Variants in ARSH observed in about 807,000 individuals in gnomAD.
The protein encoded by ARSH is arylsulfatase family member H.
Under a neutral mutation model 28.7 loss-of-function variants are expected in ARSH, and 32 were observed. The observed-to-expected ratio is 1.11, with a 90% CI of 0.84 to 1.50. ARSH has a LOEUF of 1.50. Among genes scored for constraint, ARSH ranks in the 40% most tolerant of loss-of-function variants. The pLI is 0.00. For missense variants in ARSH, 440 were observed against 452.4 expected (o/e 0.97, Z 0.25); for synonymous variants, 176 against 177.3 (o/e 0.99, Z 0.06).
In ARSH at chrX:3,015,389, G is replaced by C; in HGVS notation, c.760G>C (p.Glu254Gln). 8.3e-7 allele frequency: 1 copy of C among 1,209,089 alleles called. No individual in the cohort carries two copies. The highest frequency in any genetic ancestry group is 1.1e-6 in the Non-Finnish European group (1 of 894,291). ...LMLKEALAFI[E>Q]RYKREPFLLF... ...GCTGAAGGAGGCACTTGCTTTCATT[G>C]AAAGGTATTTAGCCATTTCTTGCCT... Residue 254 changes from glutamate (E) to glutamine (Q), a missense_variant, in exon 4 of 9, where the codon GAA becomes CAA. Physicochemically the swap from Glu to Gln is conservative, Grantham distance 29. Transcript: ENST00000381130.
chrX:3,015,902 T>C (rs2089864982), intron 4 of ARSH, among the ~76,000 whole-genome samples: 1 of 111,055 alleles, frequency 9.0e-6, no homozygotes, highest in Non-Finnish European at 1.9e-5. Context: ...TAGTTAAATT[T>C]CCTGCAAATT....
chrX:3,023,905 A>T, intron 5 of ARSH, 116 bp from the exon 6 acceptor site: 1 of 750,298 alleles, frequency 1.3e-6, no homozygotes, highest in Non-Finnish European at 1.9e-6. Flanking sequence ...AATATCGTGT[A>T]GTGCAGAATA....
At chrX:3,017,210 T>C (rs749633057) in intron 4 of ARSH, among the ~76,000 whole-genome samples, 9 of 111,495 alleles carry the variant, frequency 8.1e-5, no homozygotes, top group Non-Finnish European at 1.7e-4. Context: ...CCCTTCTTTC[T>C]ATGCTGGTTG....
intron 8 of ARSH, 51 bp downstream of exon 8, chrX:3,029,419 G>A (rs565186168): frequency 1.2e-4 from 142 of 1,173,035 alleles, no homozygotes; most frequent in Non-Finnish European, 1.5e-4. Flanking sequence ...GCCCGGTTCC[G>A]GTCTCCTTCG....
chrX:3,008,161 C>G (rs1387070744), intron 1 of ARSH, among the ~76,000 whole-genome samples: 2 of 112,070 alleles, frequency 1.8e-5, no homozygotes, highest in Non-Finnish European at 3.8e-5. Context: ...CATGCGTCAG[C>G]ACTTCATTCC....
intron 5 of ARSH, among the ~76,000 whole-genome samples, chrX:3,020,988 A>C: frequency 8.9e-6 from 1 of 111,882 alleles, no homozygotes; most frequent in Admixed American, 9.6e-5. Flanking sequence ...GTTTATATGT[A>C]TACACAAGTT....
chrX:3,021,024 C>T (rs1289930732), intron 5 of ARSH, among the ~76,000 whole-genome samples: 1 of 111,225 alleles, frequency 9.0e-6, no homozygotes, highest in Non-Finnish European at 1.9e-5. Flanking sequence ...ACACACATAG[C>T]ACTGTATGTT....
chrX:3,025,731 G>A (rs1315345897), intron 6 of ARSH, among the ~76,000 whole-genome samples: 2 of 110,356 alleles, frequency 1.8e-5, no homozygotes, highest in Non-Finnish European at 3.8e-5. Context: ...TAGAAAAAGT[G>A]AGGAACAGAT....
intron 4 of ARSH, among the ~76,000 whole-genome samples, chrX:3,015,676 T>C (rs1200596205): frequency 9.0e-6 from 1 of 110,680 alleles, no homozygotes. Flanking sequence ...ATGGAAACAA[T>C]AGACTGCAAA....
chrX:3,012,034 G>C (rs1200432004), intron 2 of ARSH, among the ~76,000 whole-genome samples: 1 of 111,019 alleles, frequency 9.0e-6, no homozygotes, highest in African/African-American at 3.3e-5. Context: ...GTAGAGACAG[G>C]GTTTCACCAT....
intron 6 of ARSH, among the ~76,000 whole-genome samples, chrX:3,026,515 C>T (rs1485544096): frequency 9.0e-6 from 1 of 111,517 alleles, no homozygotes; most frequent in Non-Finnish European, 1.9e-5. Context: ...TAGGAAGAGA[C>T]CTTTTCCTCC....
At chrX:3,008,361 T>C (rs1479246850) in intron 1 of ARSH, among the ~76,000 whole-genome samples, 1 of 111,651 alleles carries the variant, frequency 9.0e-6, no homozygotes, top group Non-Finnish European at 1.9e-5. Flanking sequence ...TAAATAACAT[T>C]GTTTCTTCTT....
chrX:3,010,250 A>T, intron 2 of ARSH, 99 bp downstream of exon 2: 1 of 1,023,318 alleles, frequency 9.8e-7, no homozygotes, highest in Admixed American at 2.9e-5. Flanking sequence ...AAGGTCACTC[A>T]GAGTATTAGG....
chrX:3,024,923 C>CA (rs1358355124), intron 6 of ARSH, among the ~76,000 whole-genome samples: 1 of 110,259 alleles, frequency 9.1e-6, no homozygotes, highest in South Asian at 3.8e-4. Context: ...CCAAGTAAAA[C>CA]AAAAAAACTA....
intron 1 of ARSH, among the ~76,000 whole-genome samples, chrX:3,008,461 CTTTCTTTCTTTCT>C (rs2089835754): frequency 1.6e-5 from 1 of 63,330 alleles, no homozygotes; most frequent in African/African-American, 6.3e-5. Flanking sequence ...TTCTTTCTTT[CTTTCTTTCTTTCT>C]TTCTTTCTTT....
chrX:3,009,870 A>G (rs1363868973), intron 1 of ARSH, among the ~76,000 whole-genome samples, 160 bp from the exon 2 acceptor site: 1 of 112,061 alleles, frequency 8.9e-6, no homozygotes, highest in Non-Finnish European at 1.9e-5. Context: ...CTAACCATCA[A>G]TGCATATAAG....
intron 6 of ARSH, among the ~76,000 whole-genome samples, 164 bp downstream of exon 6, chrX:3,024,319 A>G (rs1025864749): frequency 4.6e-5 from 5 of 109,882 alleles, no homozygotes; most frequent in Non-Finnish European, 7.6e-5. Context: ...ATTTTGGGGC[A>G]GTTTCCAAGA....
intron 5 of ARSH, among the ~76,000 whole-genome samples, chrX:3,019,951 G>A (rs5982982): frequency 0.012 from 1,266 of 109,657 alleles, 18 homozygotes; most frequent in African/African-American, 0.04. Context: ...AGGTACCATT[G>A]TAACATTTAC....
chrX:3,026,270 C>A (rs754836152), intron 6 of ARSH, among the ~76,000 whole-genome samples: 1 of 110,177 alleles, frequency 9.1e-6, no homozygotes, highest in African/African-American at 3.3e-5. Flanking sequence ...CCACTGCACT[C>A]CAGTCTGGGT....
Sources: allele counts gnomAD v4.1 joint callset (sites outside exome capture counted in the v4.1 genomes callset), GRCh38; gene constraint gnomAD v4.1.1; transcripts MANE v1.5; gene names NCBI Gene and HGNC (gene_info 2026-07-23, HGNC 2026-07-21).